NEO1: variants seen among roughly 807,000 people sequenced by gnomAD.
NEO1 encodes the protein neogenin.
NEO1 carries 63 observed loss-of-function variants against 159.7 expected under a neutral mutation model. That is an observed-to-expected ratio of 0.39 (90% CI 0.32 to 0.49). NEO1 has a LOEUF of 0.49. NEO1 is among the 20% of genes least tolerant of loss of function. NEO1 has a pLI of 0.85. For synonymous variants in NEO1, 633 were observed against 662.0 expected, an observed-to-expected ratio of 0.96 and a Z score of 0.67; for missense variants, 1,615 against 1,831.0, an observed-to-expected ratio of 0.88 and a Z score of 2.15.
intron 5 of NEO1, among the ~76,000 whole-genome samples, chr15:73,158,478 G>A (rs1218208018): frequency 6.6e-6 from 1 of 151,900 alleles, no homozygotes; most frequent in Non-Finnish European, 1.5e-5. Flanking sequence ...GCTCACTGCA[G>A]CCTTGACTTC....
chr15:73,199,081 C>T lies in NEO1; in HGVS notation c.1291+20654C>T, dbSNP rs887486209. Among the ~76,000 whole-genome samples, 30 of 149,298 alleles carry T rather than the reference C, an allele frequency of 2.0e-4. 1 individual carries two copies. Among genetic ancestry groups the T allele is most frequent in the African/African-American group, 5.7e-4 (23 of 40,346 alleles). The stretch of plus-strand genomic sequence containing the variant: ...AGTCATTGTGTTTCATTAGATTCTT[C>T]TTGGCTGTGACAGTTTCTCAGACTT... On this transcript the variant is annotated intron_variant, in intron 7 of 28. Coordinates refer to ENST00000261908, the MANE Select transcript of NEO1 (RefSeq NM_002499.4).
intron 1 of NEO1, among the ~76,000 whole-genome samples, chr15:73,104,637 A>C (rs935369570): frequency 3.3e-5 from 5 of 152,204 alleles, no homozygotes; most frequent in African/African-American, 1.2e-4. Context: ...TACTTGAAAT[A>C]AGCTATATTA....
chr15:73,206,560 T>G (rs1487997080), intron 7 of NEO1, among the ~76,000 whole-genome samples: 1 of 152,182 alleles, frequency 6.6e-6, no homozygotes, highest in Non-Finnish European at 1.5e-5. Flanking sequence ...GCAGTATTTC[T>G]GGCTCAGACT....
At chr15:73,279,328 G>A (rs1289034181) in intron 22 of NEO1, among the ~76,000 whole-genome samples, 1 of 118,840 alleles carries the variant, frequency 8.4e-6, no homozygotes, top group Non-Finnish European at 2.0e-5. Flanking sequence ...ATGCATGCAT[G>A]TTTTTTTGTT....
chr15:73,249,302 G>C lies in NEO1; in HGVS notation c.1755+94G>C, dbSNP rs183470699. The C allele has an allele frequency of 9.8e-6, 13 of 1,330,444 alleles. No individual in the cohort carries two copies. The Admixed American group carries it at 2.8e-4, about 29-fold the overall frequency. 82.4% of individuals were successfully genotyped at this position (1,330,444 alleles called of 1,614,324 possible). A position where few individuals can be genotyped will look rare whatever the true frequency, so the allele number is the denominator to read the frequency against. ...AGTAGTTGCTTGACTGGAAATGTGAGGGGGAAAAAGAAACATAGGAAATGA... is the reference window on the plus strand; with the variant it reads ...AGTAGTTGCTTGACTGGAAATGTGACGGGGAAAAAGAAACATAGGAAATGA... On this transcript the variant is annotated intron_variant, in intron 10 of 28. Coordinates refer to ENST00000261908, the MANE Select transcript of NEO1 (RefSeq NM_002499.4).
chr15:73,244,104 A>C (rs1198531045), intron 8 of NEO1, among the ~76,000 whole-genome samples: 3 of 152,190 alleles, frequency 2.0e-5, no homozygotes, highest in Non-Finnish European at 4.4e-5. Context: ...GGAAGTTGTG[A>C]TTATGGTCAG....
At chr15:73,112,509 C>G (rs952822838) in intron 1 of NEO1, among the ~76,000 whole-genome samples, 5 of 152,024 alleles carry the variant, frequency 3.3e-5, no homozygotes, top group African/African-American at 1.2e-4. Flanking sequence ...AAAAGGCTGC[C>G]TAACTCCAGG....
intron 28 of NEO1, 60 bp from the exon 29 acceptor site, chr15:73,302,542 CCTCTCTCTGGG>C: frequency 7.1e-7 from 1 of 1,415,096 alleles, no homozygotes; most frequent in Non-Finnish European, 9.8e-7. Context: ...GAGGCTTTGG[CCTCTCTCTGGG>C]CTCTCCTTTC....
At chr15:73,157,276 C>G (rs2033850565) in intron 5 of NEO1, among the ~76,000 whole-genome samples, 1 of 152,202 alleles carries the variant, frequency 6.6e-6, no homozygotes, top group African/African-American at 2.4e-5. Context: ...GCTTGAGTCC[C>G]AGTTCTTCAA....
At chr15:73,097,798 T>TTTTG (rs2070157497) in intron 1 of NEO1, among the ~76,000 whole-genome samples, 1 of 104,728 alleles carries the variant, frequency 9.5e-6, no homozygotes. Flanking sequence ...TTTTTTTTTT[T>TTTTG]GTAAGTTCTT....
rs530034673 is a variant in NEO1, at chr15:73,083,291, G to A, written c.130+30486G>A. Among the ~76,000 whole-genome samples the A allele has an allele frequency of 2.4e-3, 370 of 152,170 alleles. 3 individuals are homozygous for A. Among genetic ancestry groups the A allele is most frequent in the African/African-American group, 7.7e-3 (318 of 41,500 alleles). ...AGAGTGTAAATGGGCGTGATGAGAGGCTGCCATATTTCAAATATATTTGAG... is the reference window on the plus strand; with the variant it reads ...AGAGTGTAAATGGGCGTGATGAGAGACTGCCATATTTCAAATATATTTGAG... On this transcript the variant is annotated intron_variant, in intron 1 of 28. Transcript: ENST00000261908.
intron 7 of NEO1, among the ~76,000 whole-genome samples, chr15:73,228,386 A>G (rs1265035019): frequency 1.3e-5 from 2 of 150,958 alleles, no homozygotes; most frequent in Non-Finnish European, 2.9e-5. Flanking sequence ...ATGACTATTC[A>G]AAGCTATTGC....
chr15:73,295,125 A>AATATATATATATATATATAT (rs10524460), intron 26 of NEO1, among the ~76,000 whole-genome samples: 4,137 of 99,098 alleles, frequency 0.042, 273 homozygotes, highest in Middle Eastern at 0.091. Context: ...CTAAATATTA[A>AATATATATATATATATATAT]ATATATATAT....
At chr15:73,120,129 C>CT in intron 2 of NEO1, among the ~76,000 whole-genome samples, 1 of 151,956 alleles carries the variant, frequency 6.6e-6, no homozygotes, top group Non-Finnish European at 1.5e-5. Context: ...GAGTGAGACT[C>CT]TGTCTCATAA....
chr15:73,244,661 G>T (rs916484579), intron 9 of NEO1, among the ~76,000 whole-genome samples, 163 bp downstream of exon 9: 1 of 151,918 alleles, frequency 6.6e-6, no homozygotes, highest in African/African-American at 2.4e-5. Flanking sequence ...TCAAAAAACA[G>T]CAAGTAGGGC....
At chr15:73,177,169 A>C (rs1567395497) in intron 6 of NEO1, among the ~76,000 whole-genome samples, 1 of 152,158 alleles carries the variant, frequency 6.6e-6, no homozygotes, top group African/African-American at 2.4e-5. Flanking sequence ...GCTTTTTACT[A>C]TACTTTATAT....
At chr15:73,099,220 C>G (rs914736307) in intron 1 of NEO1, among the ~76,000 whole-genome samples, 6 of 152,132 alleles carry the variant, frequency 3.9e-5, no homozygotes, top group African/African-American at 1.4e-4. Context: ...GAGGTTTCCC[C>G]TCTTTTCTTC....
In NEO1 at chr15:73,236,332, C is replaced by G. The variant is rs1013800201; in HGVS notation, c.1292-15C>G. 6.2e-7 allele frequency: 1 copy of G among 1,614,186 alleles called. No homozygotes were observed. Among genetic ancestry groups the G allele is most frequent in the South Asian group, 1.1e-5 (1 of 91,088 alleles). ...CCTCCCACTTCACTGACCAGTGCCA[C>G]TACTGACCATCTAGCACCAGCCACA... On this transcript the variant is annotated splice_polypyrimidine_tract_variant and intron_variant, in intron 7 of 28. Coordinates refer to ENST00000261908, the MANE Select transcript of NEO1 (RefSeq NM_002499.4).
At chr15:73,087,143 G>A (rs2069411514) in intron 1 of NEO1, among the ~76,000 whole-genome samples, 1 of 152,036 alleles carries the variant, frequency 6.6e-6, no homozygotes, top group African/African-American at 2.4e-5. Flanking sequence ...TAGTTTTTTT[G>A]TAGATTCTCT....
Sources: gnomAD v4.1 joint callset for allele counts (sites outside exome capture counted in the v4.1 genomes callset) on GRCh38, gnomAD v4.1.1 for gene constraint, MANE v1.5 for transcripts, NCBI Gene and HGNC (gene_info 2026-07-23, HGNC 2026-07-21) for gene names.